Variants in WNK1 observed in about 807,000 individuals in gnomAD.
WNK1 encodes the protein serine/threonine-protein kinase WNK1.
A neutral mutation model predicts 222.8 loss-of-function variants in WNK1; 38 were observed. The ratio of observed to expected loss-of-function variants is 0.17; its 90% CI spans 0.13 to 0.22. The LOEUF (loss-of-function observed/expected upper bound fraction) is 0.22. Among genes scored for constraint, WNK1 ranks in the 10% least tolerant of loss-of-function variants. WNK1 has a pLI of 1.00. For synonymous variants in WNK1, 1,090 were observed against 1,092.9 expected (o/e 1.00, Z 0.05); for missense variants, 2,348 against 2,918.4 (o/e 0.80, Z 4.50).
chr12:879,513 CTTTTTTTT>C, intron 10 of WNK1, 52 bp from the exon 11 acceptor site: 6 of 402,994 alleles, frequency 1.5e-5, no homozygotes, highest in Non-Finnish European at 2.2e-5. Context: ...GGCAGCCTTG[CTTTTTTTT>C]TTTTTTTTTT....
intron 1 of WNK1, among the ~76,000 whole-genome samples, chr12:766,303 G>A (rs1461751333): frequency 6.6e-6 from 1 of 152,104 alleles, no homozygotes; most frequent in Non-Finnish European, 1.5e-5. Flanking sequence ...CAAAATAAGT[G>A]TAGGCTGTTT....
chr12:891,759 C>G (rs1017416575), intron 22 of WNK1, among the ~76,000 whole-genome samples: 2 of 151,456 alleles, frequency 1.3e-5, no homozygotes, highest in African/African-American at 4.8e-5. Context: ...CATTATTTTC[C>G]TTTTTCACTA....
At chr12:847,893 G>A (rs939737867) in intron 4 of WNK1, among the ~76,000 whole-genome samples, 4 of 131,158 alleles carry the variant, frequency 3.0e-5, no homozygotes, top group South Asian at 2.6e-4. Flanking sequence ...TGCAACCTCC[G>A]CCTCCCAGGT....
At chr12:862,041 C>T (rs755490310) in intron 7 of WNK1, 42 bp from the exon 8 acceptor site, 2 of 1,611,124 alleles carry the variant, frequency 1.2e-6, no homozygotes, top group African/African-American at 1.3e-5. Flanking sequence ...TGTGATTTGT[C>T]TTTCTCTCTC....
At chr12:877,199 G>A (rs1308737630) in intron 9 of WNK1, among the ~76,000 whole-genome samples, 2 of 151,814 alleles carry the variant, frequency 1.3e-5, no homozygotes, top group Admixed American at 6.6e-5. Context: ...GAGTAGCTGG[G>A]ATTATAGATA....
chr12:885,495 C>T lies in WNK1; in HGVS notation c.4691C>T (p.Pro1564Leu). 2 of 1,614,102 alleles carry T rather than the reference C, an allele frequency of 1.2e-6. No homozygotes were observed. Among genetic ancestry groups the T allele is most frequent in the Non-Finnish European group, 1.7e-6 (2 of 1,180,036 alleles). Residue 1564 changes from proline to leucine, a missense_variant, in exon 19 of 28, where the codon CCT becomes CTT. Pro to Leu is a moderately conservative substitution (Grantham distance 98, BLOSUM62 -3). Transcript: ENST00000315939. ...GAGVSSYISQ[P>L]GGLHPLVIPS... ...GGAGTGTCTAGTTATATTTCTCAGCCTGGTGGGCTGCATCCTTTGGTCATT... is the reference window on the plus strand; with the variant it reads ...GGAGTGTCTAGTTATATTTCTCAGCTTGGTGGGCTGCATCCTTTGGTCATT...
chr12:880,660 T>G, intron 11 of WNK1, 61 bp from the exon 12 acceptor site: 1 of 1,546,262 alleles, frequency 6.5e-7, no homozygotes, highest in Non-Finnish European at 8.9e-7. Context: ...CATGTCTTGC[T>G]GTTTTGCTAA....
intron 1 of WNK1, among the ~76,000 whole-genome samples, chr12:776,283 C>G (rs1000511120): frequency 1.3e-5 from 2 of 152,134 alleles, no homozygotes; most frequent in Admixed American, 1.3e-4. Context: ...GATCCTTTGC[C>G]TCAGCCTCCC....
At chr12:823,936 G>A (rs1437986156) in intron 2 of WNK1, among the ~76,000 whole-genome samples, 1 of 131,862 alleles carries the variant, frequency 7.6e-6, no homozygotes, top group Non-Finnish European at 1.5e-5. Flanking sequence ...ATGGAGTCTC[G>A]CTCTGTGTTG....
At chr12:787,350 C>T (rs976596556) in intron 1 of WNK1, among the ~76,000 whole-genome samples, 33 of 152,084 alleles carry the variant, frequency 2.2e-4, no homozygotes, top group Non-Finnish European at 7.4e-5. Flanking sequence ...ACTCTGGGCT[C>T]AAGTGATCCT....
intron 1 of WNK1, among the ~76,000 whole-genome samples, chr12:794,937 T>C (rs1945166635): frequency 6.6e-6 from 1 of 151,990 alleles, no homozygotes; most frequent in African/African-American, 2.4e-5. Context: ...AAAAATTGTG[T>C]AGAGATGTGG....
chr12:831,620 T>G (rs1389177654), intron 4 of WNK1, among the ~76,000 whole-genome samples: 2 of 152,138 alleles, frequency 1.3e-5, no homozygotes, highest in East Asian at 3.8e-4. Context: ...ACCAGTCTTA[T>G]CACTAAATTT....
intron 10 of WNK1, 34 bp from the exon 11 acceptor site, chr12:879,539 A>G: frequency 1.2e-6 from 1 of 802,680 alleles, no homozygotes; most frequent in East Asian, 3.0e-5. Context: ...TTTTTTTTTA[A>G]GCCTGTCTGT....
chr12:881,336 A>G (rs1272410608), intron 12 of WNK1: 9 of 441,708 alleles, frequency 2.0e-5, no homozygotes, highest in Admixed American at 1.0e-4. Flanking sequence ...GCTCTCAGCA[A>G]TCATTTTTGC....
At position 864,110 on chromosome 12, in the gene WNK1, G is replaced by GTTTTTTTTTTTTTTTTTTTTTTTT. The variant is rs372936466; in HGVS notation, c.2139+1857_2139+1858insTTTTTTTTTTTTTTTTTTTTTTTT. 5.8e-4 allele frequency among the ~76,000 whole-genome samples: 72 copies of GTTTTTTTTTTTTTTTTTTTTTTTT among 124,574 alleles called. 3 individuals are homozygous for GTTTTTTTTTTTTTTTTTTTTTTTT. The highest frequency in any genetic ancestry group is 1.9e-3 in the African/African-American group (64 of 33,128). The allele number at this position is 124,574 out of a possible 152,430, so 81.7% of individuals were successfully genotyped here. A position where few individuals can be genotyped will look rare whatever the true frequency, so the allele number is the denominator to read the frequency against. On this transcript the variant is annotated intron_variant, in intron 8 of 27. Transcript: ENST00000315939. ...ACCCTGTGCCTGAACATTTTTTTAA[G>GTTTTTTTTTTTTTTTTTTTTTTTT]TTTTTTTTTTTTTTTTTGACAGCGT...
At chr12:769,305 T>A (rs1166184510) in intron 1 of WNK1, among the ~76,000 whole-genome samples, 3 of 151,900 alleles carry the variant, frequency 2.0e-5, no homozygotes, top group Non-Finnish European at 4.4e-5. Context: ...TTCAAGTGAT[T>A]CTCATGCCTC....
At chr12:839,696 A>C (rs1038170486) in intron 4 of WNK1, among the ~76,000 whole-genome samples, 1 of 151,944 alleles carries the variant, frequency 6.6e-6, no homozygotes, top group South Asian at 2.1e-4. Flanking sequence ...GAAATGTTTT[A>C]TATATTTTAT....
intron 4 of WNK1, among the ~76,000 whole-genome samples, chr12:834,316 A>G (rs1949022698): frequency 6.6e-6 from 1 of 152,176 alleles, no homozygotes; most frequent in Non-Finnish European, 1.5e-5. Context: ...TCCGGTTGGT[A>G]ATTAAGAGGC....
Position 885,569 on chromosome 12 carries a change from A to G in WNK1, c.4765A>G (p.Thr1589Ala). 6.2e-7 allele frequency: 1 copy of G among 1,614,056 alleles called. No homozygotes were observed. The highest frequency in any genetic ancestry group is 8.5e-7 in the Non-Finnish European group (1 of 1,180,002). The part of the protein sequence containing the change: ...TPILPQAAGP[T>A]STPLLPQVPS... ...TATTCTTCCCCAAGCAGCAGGACCT[A>G]CTTCTACACCTTTATTACCCCAAGT... Residue 1589 changes from threonine (T) to alanine (A), a missense_variant, in exon 19 of 28, where the codon ACT (threonine) becomes GCT (alanine). This residue lies in a region of WNK1 where 1,144 missense variants were observed against 1,273.6 expected (regional missense o/e 0.90). Coordinates refer to ENST00000315939, the MANE Select transcript of WNK1 (RefSeq NM_018979.4).
Sources: gnomAD v4.1 joint callset for allele counts (sites outside exome capture counted in the v4.1 genomes callset) on GRCh38, gnomAD v4.1.1 for gene constraint, gnomAD v4.1.1 regional missense constraint, MANE v1.5 for transcripts, NCBI Gene and HGNC (gene_info 2026-07-23, HGNC 2026-07-21) for gene names.